Variants in PRSS12 observed in about 807,000 individuals in gnomAD.
The protein encoded by PRSS12 is serine protease 12, also known as neurotrypsin.
A neutral mutation model predicts 104.4 loss-of-function variants in PRSS12; 85 were observed. That is an observed-to-expected ratio of 0.81 (90% confidence interval 0.68 to 0.98). The LOEUF is 0.98. PRSS12 is among the 50% of genes least tolerant of loss of function. The pLI is 0.00. For synonymous variants in PRSS12, 454 were observed against 425.2 expected, an observed-to-expected ratio of 1.07 and a Z score of -0.83; for missense variants, 1,141 against 1,139.2, an observed-to-expected ratio of 1.00 and a Z score of -0.02.
Position 118,313,184 on chromosome 4 carries a change from C to G in PRSS12, c.1489+17G>C, listed in dbSNP as rs767465517. On this transcript the variant is annotated intron_variant, in intron 7 of 12. Coordinates refer to ENST00000296498, the MANE Select transcript of PRSS12 (RefSeq NM_003619.4). ...CTACTGAATGATGGAAACTTGAGAG[C>G]TGCAGCCAGTCCTCACCCAGAGAGA... 3 of 1,611,712 alleles carry G rather than the reference C, an allele frequency of 1.9e-6. No homozygotes were observed. The highest frequency in any genetic ancestry group is 2.5e-6 in the Non-Finnish European group (3 of 1,179,542).
At chr4:118,297,852 A>C (rs1743289246) in intron 9 of PRSS12, among the ~76,000 whole-genome samples, 1 of 152,120 alleles carries the variant, frequency 6.6e-6, no homozygotes, top group African/African-American at 2.4e-5. Context: ...ATAAAAATTA[A>C]ATAGGCCAGG....
intron 4 of PRSS12, among the ~76,000 whole-genome samples, chr4:118,327,075 C>A (rs1393930272): frequency 1.3e-5 from 2 of 152,138 alleles, no homozygotes; most frequent in Non-Finnish European, 2.9e-5. Context: ...TGCATATGGC[C>A]TGCGGGCTGT....
intron 8 of PRSS12, among the ~76,000 whole-genome samples, chr4:118,308,144 C>T (rs1743604240): frequency 6.6e-6 from 1 of 152,176 alleles, no homozygotes; most frequent in Non-Finnish European, 1.5e-5. Context: ...AAAAGGTTAA[C>T]TGACAGAAGC....
chr4:118,286,813 C>T (rs763651434), intron 11 of PRSS12, among the ~76,000 whole-genome samples: 18 of 152,040 alleles, frequency 1.2e-4, no homozygotes, highest in African/African-American at 2.4e-4. Context: ...TCAGATCCAC[C>T]GTCAGACTTG....
intron 4 of PRSS12, among the ~76,000 whole-genome samples, chr4:118,322,337 G>A (rs1333541066): frequency 6.6e-6 from 1 of 152,074 alleles, no homozygotes; most frequent in African/African-American, 2.4e-5. Context: ...ATCACCTGAG[G>A]TCAGGAATTT....
chr4:118,334,322 A>G (rs1428765315), intron 3 of PRSS12, among the ~76,000 whole-genome samples: 2 of 152,142 alleles, frequency 1.3e-5, no homozygotes, highest in Non-Finnish European at 2.9e-5. Context: ...CCTGAAAAAA[A>G]ATTATAATTA....
rs1311880473 is a variant in PRSS12 at position 118,281,909 on chromosome 4, ATGC to A, written c.*24_*26del. On this transcript the variant is annotated 3_prime_UTR_variant, in exon 13 of 13. Transcript: ENST00000296498. ...GGTTCAAAGTTTTCCATTTGTTTAAATGCTGCTTTGAAGTTTCCATGAAGAATT... is the reference window on the plus strand; with the variant it reads ...GGTTCAAAGTTTTCCATTTGTTTAAATGCTTTGAAGTTTCCATGAAGAATT... 2 of 1,004,176 alleles carry A rather than the reference ATGC, an allele frequency of 2.0e-6. No individual in the cohort carries two copies. The highest frequency in any genetic ancestry group is 2.1e-4 in the Middle Eastern group (1 of 4,866). The allele number at this position is 1,004,176 out of a possible 1,614,324, so 62.2% of individuals were successfully genotyped here. A position where few individuals can be genotyped will look rare whatever the true frequency, so the allele number is the denominator to read the frequency against.
At chr4:118,299,005 T>G in intron 8 of PRSS12, 67 bp from the exon 9 acceptor site, 1 of 1,522,442 alleles carries the variant, frequency 6.6e-7, no homozygotes, top group Non-Finnish European at 9.0e-7. Context: ...AATCACAACA[T>G]GTATTCAATT....
rs1310686181 is a variant in PRSS12, at chr4:118,295,766, A to AG, written c.1916+11dup. The AG allele has an allele frequency of 6.2e-7, 1 of 1,604,588 alleles. No individual in the cohort carries two copies. The highest frequency in any genetic ancestry group is 8.5e-7 in the Non-Finnish European group (1 of 1,171,384). On this transcript the variant is annotated intron_variant, in intron 10 of 12. Transcript: ENST00000296498. ...CTGTAATATAAAAAATCTCTTTTGGAGGAACATTTACCTTAAAGAATTTTT... is the reference window on the plus strand; with the variant it reads ...CTGTAATATAAAAAATCTCTTTTGGAGGGAACATTTACCTTAAAGAATTTTT...
intron 1 of PRSS12, among the ~76,000 whole-genome samples, chr4:118,344,474 C>T (rs889044602): frequency 3.9e-5 from 6 of 152,072 alleles, no homozygotes; most frequent in African/African-American, 1.2e-4. Context: ...ATTAAACCTG[C>T]TATATCTTTG....
In PRSS12 at chr4:118,282,904, G is replaced by A. The variant is rs1742919108; in HGVS notation, c.2247C>T (p.Ala749=). Residue 749 remains alanine (A), a synonymous_variant, in exon 12 of 13, where the codon GCC becomes GCT. Transcript: ENST00000296498. The part of the protein sequence containing the change: ...CARFSSHVLP[A]CLPLWRERPQ... ...GCCTCTCTCTCCAGAGTGGTAAACAGGCTGGCAAAACATGGCTGCTGAATC... is the reference window on the plus strand; with the variant it reads ...GCCTCTCTCTCCAGAGTGGTAAACAAGCTGGCAAAACATGGCTGCTGAATC... 6.2e-7 allele frequency: 1 copy of A among 1,614,180 alleles called. No homozygotes were observed.
intron 2 of PRSS12, 102 bp downstream of exon 2, chr4:118,338,074 A>C: frequency 6.9e-7 from 1 of 1,446,732 alleles, no homozygotes; most frequent in Non-Finnish European, 9.6e-7. Context: ...GAGGAAAGTG[A>C]CAGTAAGAAA....
chr4:118,318,285 T>C, intron 5 of PRSS12, 93 bp downstream of exon 5: 1 of 1,207,340 alleles, frequency 8.3e-7, no homozygotes, highest in East Asian at 2.4e-5. Context: ...TATGCTCATT[T>C]GGTAATGTTG....
chr4:118,301,040 CAATT>C (rs1047994176), intron 8 of PRSS12, among the ~76,000 whole-genome samples: 11 of 150,922 alleles, frequency 7.3e-5, no homozygotes, highest in South Asian at 2.1e-4. Flanking sequence ...ATTTTTTAAT[CAATT>C]AATTAATTAT....
intron 11 of PRSS12, among the ~76,000 whole-genome samples, chr4:118,288,295 C>CT (rs1743055033): frequency 6.6e-6 from 1 of 152,156 alleles, no homozygotes; most frequent in East Asian, 1.9e-4. Flanking sequence ...TACACAAATA[C>CT]TATGTGTACT....
chr4:118,281,546 G>GTAT lies in PRSS12; in HGVS notation c.*389_*390insATA. 15 of 286,894 alleles carry GTAT rather than the reference G, an allele frequency of 5.2e-5. No individual in the cohort carries two copies. The highest frequency in any genetic ancestry group is 9.4e-5 in the Admixed American group (2 of 21,350). 17.8% of individuals were successfully genotyped at this position (286,894 alleles called of 1,614,324 possible). A position where few individuals can be genotyped will look rare whatever the true frequency, so the allele number is the denominator to read the frequency against. ...ACTCATGAGTGTAGTAAAGGGTACC[G>GTAT]CATTTATGTCAAATGTGGGTATTTA... On this transcript the variant is annotated 3_prime_UTR_variant, in exon 13 of 13. Transcript: ENST00000296498.
chr4:118,282,325 G>A, intron 12 of PRSS12, 82 bp from the exon 13 acceptor site: 2 of 1,542,034 alleles, frequency 1.3e-6, no homozygotes, highest in East Asian at 2.2e-5. Flanking sequence ...TAATAGTTAT[G>A]AAAATAAAAT....
chr4:118,284,497 T>G (rs527946753), intron 11 of PRSS12, among the ~76,000 whole-genome samples: 1 of 152,298 alleles, frequency 6.6e-6, no homozygotes, highest in South Asian at 2.1e-4. Flanking sequence ...ATTCTCCACC[T>G]CATCTCAGCC....
intron 8 of PRSS12, among the ~76,000 whole-genome samples, chr4:118,300,663 T>TAA (rs1743384181): frequency 6.6e-6 from 1 of 152,086 alleles, no homozygotes; most frequent in Non-Finnish European, 1.5e-5. Flanking sequence ...TTAAAATTGA[T>TAA]AAACTTAAAA....
Sources: allele counts gnomAD v4.1 joint callset (sites outside exome capture counted in the v4.1 genomes callset), GRCh38; gene constraint gnomAD v4.1.1; transcripts MANE v1.5; gene names NCBI Gene and HGNC (gene_info 2026-07-23, HGNC 2026-07-21).